CEP41: variants seen among roughly 807,000 people sequenced by gnomAD.
CEP41 encodes the protein centrosomal protein of 41 kDa.
CEP41 carries 32 observed loss-of-function variants against 44.3 expected under a neutral mutation model. The ratio of observed to expected loss-of-function variants is 0.72; its 90% CI spans 0.54 to 0.97. The LOEUF (loss-of-function observed/expected upper bound fraction) is 0.97. Ranked by LOEUF, CEP41 falls within the 50% of genes least tolerant of loss-of-function variation. CEP41 has a pLI of 0.00. For synonymous variants in CEP41, 151 were observed against 168.5 expected, an observed-to-expected ratio of 0.90 and a Z score of 0.80; for missense variants, 432 against 455.2, an observed-to-expected ratio of 0.95 and a Z score of 0.46.
intron 3 of CEP41, 94 bp from the exon 4 acceptor site, chr7:130,412,334 T>C (rs2117609127): frequency 2.7e-6 from 2 of 732,424 alleles, no homozygotes; most frequent in Non-Finnish European, 2.5e-6. Context: ...AAGTTATTTA[T>C]ATGCTTTTAC....
At chr7:130,405,814 T>G (rs1386548842) in intron 5 of CEP41, among the ~76,000 whole-genome samples, 1 of 152,228 alleles carries the variant, frequency 6.6e-6, no homozygotes, top group Non-Finnish European at 1.5e-5. Flanking sequence ...AAACTAGCAG[T>G]TGTCAAGTTT....
At chr7:130,430,768 G>A (rs12672166) in intron 1 of CEP41, among the ~76,000 whole-genome samples, 24,426 of 151,812 alleles carry the variant, frequency 0.16, 1,944 homozygotes, top group South Asian at 0.19. Flanking sequence ...TTTTTTTATC[G>A]TTTCTATACT....
At chr7:130,427,545 G>C (rs1797701387) in intron 2 of CEP41, among the ~76,000 whole-genome samples, 1 of 151,924 alleles carries the variant, frequency 6.6e-6, no homozygotes, top group Admixed American at 6.5e-5. Flanking sequence ...CTTGCCATAT[G>C]GTCAGCACTT....
At chr7:130,425,492 G>GT (rs1797634319) in intron 2 of CEP41, among the ~76,000 whole-genome samples, 2 of 152,142 alleles carry the variant, frequency 1.3e-5, no homozygotes, top group South Asian at 4.1e-4. Flanking sequence ...ATAAAAGCTG[G>GT]TGACAACACC....
chr7:130,397,035 T>C lies in CEP41; in HGVS notation c.*1856A>G, dbSNP rs1554414942. ...GAACTTTCTTACAGAGAAAAATCTTTTTTCCTTAAAAATGTATATGTGGCA... is the reference window on the plus strand; with the variant it reads ...GAACTTTCTTACAGAGAAAAATCTTCTTTCCTTAAAAATGTATATGTGGCA... On this transcript the variant is annotated 3_prime_UTR_variant, in exon 11 of 11. Coordinates refer to ENST00000223208, the MANE Select transcript of CEP41 (RefSeq NM_018718.3). The C allele has an allele frequency of 2.2e-6, 1 of 454,504 alleles. No individual in the cohort carries two copies. The highest frequency in any genetic ancestry group is 2.3e-5 in the Admixed American group (1 of 42,574). 28.2% of individuals were successfully genotyped at this position (454,504 alleles called of 1,614,324 possible).
Position 130,423,575 on chromosome 7 carries a change from T to C in CEP41, c.97+4380A>G, listed in dbSNP as rs367789639. On this transcript the variant is annotated intron_variant, in intron 2 of 10. Transcript: ENST00000223208. Reference sequence around the variant, plus strand: ...ACAGTTTGGCAGTTCCTCAAAAAATTAGACATACAGTTACCATATGAAAAG... The same window carrying C: ...ACAGTTTGGCAGTTCCTCAAAAAATCAGACATACAGTTACCATATGAAAAG... Among the ~76,000 whole-genome samples the C allele has an allele frequency of 9.2e-5, 14 of 152,296 alleles. No homozygotes were observed. The South Asian group carries it at 2.9e-3, about 32-fold the overall frequency.
At chr7:130,412,026 C>T (rs1179908655) in intron 4 of CEP41, 153 bp downstream of exon 4, 10 of 705,814 alleles carry the variant, frequency 1.4e-5, no homozygotes, top group South Asian at 3.2e-5. Context: ...TGAACACACA[C>T]ACCACATACC....
chr7:130,440,896 CG>C, intron 1 of CEP41, 37 bp downstream of exon 1: 1 of 1,607,624 alleles, frequency 6.2e-7, no homozygotes. Context: ...CCGGTGCGCC[CG>C]CCCCCTCCGG....
intron 6 of CEP41, among the ~76,000 whole-genome samples, chr7:130,404,176 T>C (rs1796936889): frequency 6.6e-6 from 1 of 152,180 alleles, no homozygotes. Flanking sequence ...CAGAGCACTA[T>C]GTGTGGCACT....
At chr7:130,437,014 G>A (rs186798959) in intron 1 of CEP41, among the ~76,000 whole-genome samples, 1 of 152,168 alleles carries the variant, frequency 6.6e-6, no homozygotes, top group Admixed American at 6.5e-5. Context: ...ACTCCAGCCT[G>A]GGCAACAGAG....
At position 130,394,020 on chromosome 7, in the gene CEP41, C is replaced by T. The variant is rs1554413450; in HGVS notation, c.*4871G>A. The stretch of plus-strand genomic sequence containing the variant: ...AGCAGATGTTTCAGTTCCTGAATTT[C>T]CATCGCCTTTTGTGCAGGCAAGCGG... On this transcript the variant is annotated 3_prime_UTR_variant, in exon 11 of 11. Coordinates refer to ENST00000223208, the MANE Select transcript of CEP41 (RefSeq NM_018718.3). The T allele has an allele frequency of 2.2e-6, 1 of 454,036 alleles. No individual in the cohort carries two copies. The highest frequency in any genetic ancestry group is 2.0e-5 in the African/African-American group (1 of 50,082). The allele number at this position is 454,036 out of a possible 1,614,324, so 28.1% of individuals were successfully genotyped here. A position where few individuals can be genotyped will look rare whatever the true frequency, so the allele number is the denominator to read the frequency against.
chr7:130,399,926 A>AT, intron 10 of CEP41, 113 bp downstream of exon 10: 1 of 860,126 alleles, frequency 1.2e-6, no homozygotes, highest in South Asian at 1.3e-5. Flanking sequence ...CACCTGTAAC[A>AT]TACCTCCCTA....
chr7:130,398,962 C>T lies in CEP41; in HGVS notation c.1051G>A (p.Gly351Ser), dbSNP rs894814775. The T allele has an allele frequency of 3.7e-6, 6 of 1,614,098 alleles. No individual in the cohort carries two copies. The African/African-American group carries it at 8.0e-5, about 22-fold the overall frequency. The change falls in exon 11 of 11, where the codon GGC becomes AGC. Residue 351 changes from glycine to serine, a missense_variant. Coordinates refer to ENST00000223208, the MANE Select transcript of CEP41 (RefSeq NM_018718.3). ...GARSAQNLPG[G>S]GPASHSNPRS... ...GGGTTTGAGTGGCTGGCGGGGCCGCCACCTGGCAGATTCTGAGCGCTTCGG... is the reference window on the plus strand; with the variant it reads ...GGGTTTGAGTGGCTGGCGGGGCCGCTACCTGGCAGATTCTGAGCGCTTCGG...
chr7:130,415,641 G>A (rs1469927538), intron 3 of CEP41, among the ~76,000 whole-genome samples: 1 of 152,172 alleles, frequency 6.6e-6, no homozygotes, highest in Non-Finnish European at 1.5e-5. Context: ...GGCAGAGTGG[G>A]ACATTTTTAT....
In CEP41 at chr7:130,393,845, T is replaced by C. The variant is rs1308753301; in HGVS notation, c.*5046A>G. 6.6e-6 allele frequency: 3 copies of C among 454,106 alleles called. No homozygotes were observed. Among genetic ancestry groups the C allele is most frequent in the South Asian group, 4.7e-5 (3 of 64,474 alleles). 28.1% of individuals were successfully genotyped at this position (454,106 alleles called of 1,614,324 possible). A position where few individuals can be genotyped will look rare whatever the true frequency, so the allele number is the denominator to read the frequency against. ...AGCCTACTTTTTTCCCCCTACAATATAATTAAAAGTTTGTAATTCTCATTC... is the reference window on the plus strand; with the variant it reads ...AGCCTACTTTTTTCCCCCTACAATACAATTAAAAGTTTGTAATTCTCATTC... On this transcript the variant is annotated 3_prime_UTR_variant, in exon 11 of 11. Coordinates refer to ENST00000223208, the MANE Select transcript of CEP41 (RefSeq NM_018718.3).
At chr7:130,419,870 T>C in intron 2 of CEP41, 1 of 985,324 alleles carries the variant, frequency 1.0e-6, no homozygotes, top group Admixed American at 6.2e-5. Context: ...AGCACTCGGC[T>C]TACAACTCAC....
chr7:130,432,411 T>C (rs1229964377), intron 1 of CEP41, among the ~76,000 whole-genome samples: 1 of 151,874 alleles, frequency 6.6e-6, no homozygotes, highest in African/African-American at 2.4e-5. Flanking sequence ...AAACATAATA[T>C]GGTCAGTTGG....
intron 1 of CEP41, among the ~76,000 whole-genome samples, chr7:130,429,852 T>G (rs778671419): frequency 6.6e-6 from 1 of 152,200 alleles, no homozygotes; most frequent in Non-Finnish European, 1.5e-5. Context: ...GCAGGGACAA[T>G]GACTTACTCT....
At chr7:130,416,496 T>C (rs1444891842) in intron 3 of CEP41, among the ~76,000 whole-genome samples, 4 of 152,236 alleles carry the variant, frequency 2.6e-5, no homozygotes, top group African/African-American at 7.2e-5. Flanking sequence ...CTGTCTTCCA[T>C]GAATACTCTC....
Sources: allele counts gnomAD v4.1 joint callset (sites outside exome capture counted in the v4.1 genomes callset), GRCh38; gene constraint gnomAD v4.1.1; transcripts MANE v1.5; gene names NCBI Gene and HGNC (gene_info 2026-07-23, HGNC 2026-07-21).